The following AMPD2 variants were observed in gnomAD, a reference collection of about 807,000 sequenced individuals.
The protein encoded by AMPD2 is adenosine monophosphate deaminase 2.
AMPD2 carries 52 observed loss-of-function variants against 91.3 expected under a neutral mutation model. That is an observed-to-expected ratio of 0.57 (90% CI 0.46 to 0.72). The LOEUF (loss-of-function observed/expected upper bound fraction) is 0.72, where lower values mean the gene tolerates loss of function less well. Among genes scored for constraint, AMPD2 ranks in the 30% least tolerant of loss-of-function variants. The pLI, the probability that AMPD2 is intolerant of heterozygous loss-of-function variation, is 0.00. For missense variants in AMPD2, 822 were observed against 1,122.3 expected (o/e 0.73, Z 3.82); for synonymous variants, 455 against 456.4 (o/e 1.00, Z 0.04).
Position 109,621,091 on chromosome 1 carries a change from G to A in AMPD2, c.-85G>A, listed in dbSNP as rs757355530. ...ATCAGTCACTCCCGCTGGGGGCGGG[G>A]CGGAGGAAGGGGTTGGATGTGGCAG... is the stretch of plus-strand genomic sequence containing the variant. On this transcript the variant is annotated 5_prime_UTR_variant, in exon 2 of 19. Coordinates refer to ENST00000528667, the MANE Select transcript of AMPD2 (RefSeq NM_001368809.2). 3.1e-6 allele frequency: 5 copies of A among 1,608,568 alleles called. No individual in the cohort carries two copies. In the East Asian group the frequency reaches 1.1e-4, roughly 36 times the overall value.
chr1:109,629,416 G>A lies in AMPD2; in HGVS notation c.1788G>A (p.Glu596=), dbSNP rs750284039. The change falls in exon 15 of 19, where the codon GAG becomes GAA. Residue 596 remains glutamate, a synonymous_variant. Transcript: ENST00000528667. ...LESPLPEAWV[E]EDNPPYAYYL... ...GCCCCCTGCCTGAGGCGTGGGTGGA[G>A]GAGGACAACCCACCCTATGCCTACT... 1.2e-6 allele frequency: 2 copies of A among 1,614,098 alleles called. No homozygotes were observed. The highest frequency in any genetic ancestry group is 8.5e-7 in the Non-Finnish European group (1 of 1,180,008).
In AMPD2 at chr1:109,627,891, C is replaced by A. The variant is rs781608116; in HGVS notation, c.1068C>A (p.Tyr356Ter). 1.2e-6 allele frequency: 2 copies of A among 1,614,156 alleles called. No individual in the cohort carries two copies. Among genetic ancestry groups the A allele is most frequent in the South Asian group, 2.2e-5 (2 of 91,086 alleles). The stretch of plus-strand genomic sequence containing the variant: ...AGAAAGTGCCACACCGAGATTTCTA[C>A]AACATCCGCAAGGTGGGCCCTCACC... ...AQKKVPHRDF[Y>*]NIRKVDTHIH... Residue 356 changes from tyrosine to a stop codon, truncating the protein, a stop_gained, in exon 10 of 19, where the codon TAC (tyrosine) becomes TAA (stop). Coordinates refer to ENST00000528667, the MANE Select transcript of AMPD2 (RefSeq NM_001368809.2). LOFTEE classifies it high-confidence loss of function.
Position 109,628,044 on chromosome 1 carries a change from T to G in AMPD2, c.1081-39T>G. ...CACTGCCCCAGGCCCCAGACCTTCC[T>G]GGCCTCTGGTGGATCAGCAGTGCCC... On this transcript the variant is annotated intron_variant, in intron 10 of 18. Transcript: ENST00000528667. This position sits in a 1 kb window ranked among gnomAD's most constrained non-coding sequence, Gnocchi z 7.1. 4.4e-6 allele frequency: 7 copies of G among 1,603,920 alleles called. No individual in the cohort carries two copies. Among genetic ancestry groups the G allele is most frequent in the East Asian group, 2.2e-5 (1 of 44,746 alleles).
At chr1:109,626,626 C>T in intron 6 of AMPD2, 100 bp from the exon 7 acceptor site, 1 of 1,484,790 alleles carries the variant, frequency 6.7e-7, no homozygotes, top group Non-Finnish European at 9.1e-7. Flanking sequence ...GGGTCAGGGC[C>T]TGTGGGAGGT....
chr1:109,625,867 T>G lies in AMPD2; in HGVS notation c.353+75T>G, dbSNP rs1650630830. The G allele has an allele frequency of 6.3e-7, 1 of 1,586,476 alleles. No homozygotes were observed. The highest frequency in any genetic ancestry group is 1.3e-5 in the African/African-American group (1 of 74,486). The stretch of plus-strand genomic sequence containing the variant: ...CTTTCAGAGCCCCTTTTCTGCCTCT[T>G]TCCCTCGCACCCTGCCTTGGGGGGT... On this transcript the variant is annotated intron_variant, in intron 4 of 18. Transcript: ENST00000528667. This position sits in a 1 kb window ranked among gnomAD's most constrained non-coding sequence, Gnocchi z 4.0.
intron 1 of AMPD2, chr1:109,620,551 C>G (rs1650154978): frequency 7.9e-7 from 1 of 1,267,384 alleles, no homozygotes; most frequent in East Asian, 3.8e-5. Context: ...GTGGAATTTT[C>G]CCGGGACAGG....
At position 109,624,148 on chromosome 1, in the gene AMPD2, C is replaced by T. The variant is rs1036265832; in HGVS notation, c.92-1155C>T. ...GACGGGGTCCTGGATCTGGGGCAGGCCCCTCCCTCTTCCCTTTGTCCAGCT... is the reference window on the plus strand; with the variant it reads ...GACGGGGTCCTGGATCTGGGGCAGGTCCCTCCCTCTTCCCTTTGTCCAGCT... On this transcript the variant is annotated intron_variant, in intron 2 of 18. Transcript: ENST00000528667. The surrounding 1 kb of genome is among the most constrained non-coding windows in gnomAD (Gnocchi z 5.2). 7 of 885,694 alleles carry T rather than the reference C, an allele frequency of 7.9e-6. No individual in the cohort carries two copies. The African/African-American group carries it at 1.3e-4, about 16-fold the overall frequency. The allele number at this position is 885,694 out of a possible 1,614,324, so 54.9% of individuals were successfully genotyped here. A position where few individuals can be genotyped will look rare whatever the true frequency, so the allele number is the denominator to read the frequency against.
rs202071045 is a variant in AMPD2 at position 109,631,062 on chromosome 1, G to T, written c.2388G>T (p.Glu796Asp). 5 of 1,614,018 alleles carry T rather than the reference G, an allele frequency of 3.1e-6. No individual in the cohort carries two copies. In the Admixed American group the frequency reaches 6.7e-5, roughly 22 times the overall value. Residue 796 changes from glutamate to aspartate, a missense_variant, in exon 19 of 19, where the codon GAG becomes GAT. Glu to Asp is a conservative substitution (Grantham distance 45). Coordinates refer to ENST00000528667, the MANE Select transcript of AMPD2 (RefSeq NM_001368809.2). ...ACCGCTACGAGACCCTGTGCCAGGA[G>T]CTGGCGCTCATCACGCAGGCAGTCC... ...VGYRYETLCQ[E>D]LALITQAVQS... is the part of the protein sequence containing the mutation.
At chr1:109,626,258 C>T (rs373313669) in intron 5 of AMPD2, 30 bp downstream of exon 5, 33 of 1,613,522 alleles carry the variant, frequency 2.0e-5, no homozygotes, top group Middle Eastern at 3.3e-4. Context: ...ACAGGGGATG[C>T]GGAGCTGCAG....
rs751501391 is a variant in AMPD2, at chr1:109,625,640, G to C, written c.223-22G>C. The C allele has an allele frequency of 2.5e-5, 41 of 1,611,908 alleles. No individual in the cohort carries two copies. The highest frequency in any genetic ancestry group is 3.2e-5 in the Non-Finnish European group (38 of 1,178,394). ...CCGAGGGCGGAGGGCCAGCCATGCT[G>C]ACCTTCCTTCCCTCCCCCCAGGAGC... On this transcript the variant is annotated intron_variant, in intron 3 of 18. Coordinates refer to ENST00000528667, the MANE Select transcript of AMPD2 (RefSeq NM_001368809.2). The surrounding 1 kb of genome is among the most constrained non-coding windows in gnomAD (Gnocchi z 4.0).
Position 109,626,803 on chromosome 1 carries a change from G to A in AMPD2, c.609G>A (p.Leu203=). The A allele has an allele frequency of 2.5e-6, 4 of 1,613,878 alleles. No individual in the cohort carries two copies. Among genetic ancestry groups the A allele is most frequent in the Non-Finnish European group, 3.4e-6 (4 of 1,179,930 alleles). ...ALFIREKYMA[L]SLQSFCPTTR... ...TCATCCGGGAGAAGTACATGGCCCT[G>A]TCCCTGCAGAGCTTCTGCCCCACCA... is the stretch of plus-strand genomic sequence containing the variant. The change falls in exon 7 of 19, where the codon CTG becomes CTA. Residue 203 remains leucine (L), a synonymous_variant. Coordinates refer to ENST00000528667, the MANE Select transcript of AMPD2 (RefSeq NM_001368809.2).
rs554874428 is a variant in AMPD2, at chr1:109,628,333, C to T, written c.1276-31C>T. The stretch of plus-strand genomic sequence containing the variant: ...GAGTCAGTCAGGGGACCAGGAGTCA[C>T]GGGTGACCTGAGCCTTCCCATGTCC... On this transcript the variant is annotated intron_variant, in intron 11 of 18. Transcript: ENST00000528667. This position sits in a 1 kb window ranked among gnomAD's most constrained non-coding sequence, Gnocchi z 7.1. The T allele has an allele frequency of 1.6e-5, 26 of 1,613,558 alleles. No individual in the cohort carries two copies. Among genetic ancestry groups the T allele is most frequent in the African/African-American group, 5.3e-5 (4 of 75,032 alleles).
chr1:109,620,858 G>C, intron 1 of AMPD2, 56 bp from the exon 2 acceptor site: 1 of 1,435,458 alleles, frequency 7.0e-7, no homozygotes, highest in Non-Finnish European at 9.2e-7. Flanking sequence ...TGGAGAGCTG[G>C]GGGCTGGCCC....
At position 109,620,285 on chromosome 1, in the gene AMPD2, G is replaced by C; in HGVS notation, c.-263+7G>C. 1 of 1,613,986 alleles carries C rather than the reference G, an allele frequency of 6.2e-7. No homozygotes were observed. Among genetic ancestry groups the C allele is most frequent in the Non-Finnish European group, 8.5e-7 (1 of 1,179,896 alleles). On this transcript the variant is annotated splice_region_variant and intron_variant, in intron 1 of 18. Coordinates refer to ENST00000528667, the MANE Select transcript of AMPD2 (RefSeq NM_001368809.2). The stretch of plus-strand genomic sequence containing the variant: ...TCGGGCATCATGGCCTCAGGTGAGT[G>C]TGTGTACGTGTGTTGGAGGGAGGGT...
intron 16 of AMPD2, 65 bp downstream of exon 16, chr1:109,629,981 C>T (rs1651075515): frequency 1.3e-6 from 2 of 1,540,018 alleles, no homozygotes; most frequent in African/African-American, 2.7e-5. Flanking sequence ...ATTCGGGCCC[C>T]TTCAGCAACC....
Position 109,625,961 on chromosome 1 carries a change from G to C in AMPD2, c.353+169G>C. On this transcript the variant is annotated intron_variant, in intron 4 of 18. Transcript: ENST00000528667. This position sits in a 1 kb window ranked among gnomAD's most constrained non-coding sequence, Gnocchi z 4.0. ...GTTCTGTTCTGTCTTCTAGCCGCCG[G>C]TGTGGCTGGGTCATGTTGCTTAACT... 1 of 1,201,252 alleles carries C rather than the reference G, an allele frequency of 8.3e-7. No individual in the cohort carries two copies. The allele number at this position is 1,201,252 out of a possible 1,614,324, so 74.4% of individuals were successfully genotyped here.
rs762155708 is a variant in AMPD2, at chr1:109,627,830, T to A, written c.1007T>A (p.Val336Glu). 1 of 1,614,108 alleles carries A rather than the reference T, an allele frequency of 6.2e-7. No individual in the cohort carries two copies. Among genetic ancestry groups the A allele is most frequent in the Non-Finnish European group, 8.5e-7 (1 of 1,180,010 alleles). The change falls in exon 10 of 19, where the codon GTG (valine) becomes GAG (glutamate). Residue 336 changes from valine (V) to glutamate (E), a missense_variant. This residue lies in a region of AMPD2 where 37 missense variants were observed against 84.8 expected (regional missense o/e 0.44). Coordinates refer to ENST00000528667, the MANE Select transcript of AMPD2 (RefSeq NM_001368809.2). ...CTGAGCTCCAAGTTCCAGATGCATG[T>A]GCTACTCAATGAGATGAAGGAGCTG... ...QYLSSKFQMH[V>E]LLNEMKELAA...
At chr1:109,623,889 A>ACTCTGATG (rs1443897492) in intron 2 of AMPD2, 5 of 506,804 alleles carry the variant, frequency 9.9e-6, no homozygotes, top group Non-Finnish European at 1.3e-5. Context: ...TTATCTCCCA[A>ACTCTGATG]CTCTGATGCT....
rs771607197 is a variant in AMPD2 at position 109,621,157 on chromosome 1, C to G, written c.-19C>G. The G allele has an allele frequency of 6.3e-7, 1 of 1,597,300 alleles. No individual in the cohort carries two copies. Among genetic ancestry groups the G allele is most frequent in the Admixed American group, 1.7e-5 (1 of 58,392 alleles). On this transcript the variant is annotated 5_prime_UTR_variant, in exon 2 of 19. Transcript: ENST00000528667. ...GGTGCCGCTCAGACTCCCCCGCTGT[C>G]GCCGCCGTGGTCCCAGCCATGGCAT... is the stretch of plus-strand genomic sequence containing the variant.
Sources: allele counts gnomAD v4.1 joint callset, GRCh38; gene constraint gnomAD v4.1.1; regional missense constraint gnomAD v4.1.1; non-coding constraint Gnocchi (gnomAD v3.1); transcripts MANE v1.5; gene names NCBI Gene and HGNC (gene_info 2026-07-23, HGNC 2026-07-21).